The following PDGFRB variants were observed in gnomAD, a reference collection of about 807,000 sequenced individuals.
PDGFRB encodes the protein platelet-derived growth factor receptor beta.
PDGFRB carries 42 observed loss-of-function variants against 120.2 expected under a neutral mutation model. That is an observed-to-expected ratio of 0.35 (90% confidence interval 0.27 to 0.45). The LOEUF (loss-of-function observed/expected upper bound fraction) is 0.45, where lower values mean the gene tolerates loss of function less well. PDGFRB is among the 20% of genes least tolerant of loss of function. The pLI is 1.00. For missense variants in PDGFRB, 1,149 were observed against 1,476.3 expected, an observed-to-expected ratio of 0.78 and a Z score of 3.63; for synonymous variants, 586 against 606.8, an observed-to-expected ratio of 0.97 and a Z score of 0.50.
At chr5:150,140,862 G>A (rs1265325692) in intron 1 of PDGFRB, among the ~76,000 whole-genome samples, 1 of 152,136 alleles carries the variant, frequency 6.6e-6, no homozygotes, top group East Asian at 1.9e-4. Flanking sequence ...CTCCCAGCAC[G>A]TACAATTCTC....
intron 1 of PDGFRB, among the ~76,000 whole-genome samples, chr5:150,139,630 C>T (rs990641732): frequency 2.0e-5 from 3 of 152,128 alleles, no homozygotes; most frequent in African/African-American, 7.2e-5. Context: ...ACTTGCTGTG[C>T]GGGCTTTGAC....
At chr5:150,127,855 A>AAAAAAAAAAAC (rs1554108652) in intron 10 of PDGFRB, among the ~76,000 whole-genome samples, 1 of 150,692 alleles carries the variant, frequency 6.6e-6, no homozygotes, top group African/African-American at 2.4e-5. Flanking sequence ...AAAAAAAAAA[A>AAAAAAAAAAAC]AAAACTTTGG....
At chr5:150,134,070 T>C in intron 4 of PDGFRB, 62 bp from the exon 5 acceptor site, 1 of 1,518,162 alleles carries the variant, frequency 6.6e-7, no homozygotes, top group Non-Finnish European at 9.1e-7. Flanking sequence ...CACTTCAGCT[T>C]GGGGATAGGG....
rs1262442287 is a variant in PDGFRB at position 150,135,003 on chromosome 5, G to T, written c.378C>A (p.Gly126=). The T allele has an allele frequency of 1.3e-6, 2 of 1,579,774 alleles. No individual in the cohort carries two copies. Among genetic ancestry groups the T allele is most frequent in the Non-Finnish European group, 1.7e-6 (2 of 1,152,354 alleles). Residue 126 remains glycine (G), a synonymous_variant, in exon 4 of 23, where the codon GGC becomes GGA. Transcript: ENST00000261799. ...GTTCCTCGGCATCATTAGGGAGGAA[G>T]CCCACGGTGGGATCTGCCAGGAGTG... ...LYIFVPDPTV[G]FLPNDAEELF... is the part of the protein sequence containing the mutation.
At chr5:150,118,703 C>G in intron 21 of PDGFRB, 44 bp downstream of exon 21, 1 of 1,193,464 alleles carries the variant, frequency 8.4e-7, no homozygotes, top group Non-Finnish European at 1.3e-6. Context: ...CTGACTTCTG[C>G]ACCAGAGCTC....
At chr5:150,137,229 G>A in intron 1 of PDGFRB, 176 bp from the exon 2 acceptor site, 1 of 576,002 alleles carries the variant, frequency 1.7e-6, no homozygotes, top group Non-Finnish European at 3.1e-6. Flanking sequence ...ATGACCACAG[G>A]CTGTCTCCTC....
intron 1 of PDGFRB, among the ~76,000 whole-genome samples, chr5:150,138,869 A>G (rs1451732529): frequency 6.6e-6 from 1 of 152,136 alleles, no homozygotes; most frequent in Non-Finnish European, 1.5e-5. Flanking sequence ...GGGTCACTTC[A>G]GCTTCCCTGC....
chr5:150,149,069 C>T (rs74583134), intron 1 of PDGFRB, among the ~76,000 whole-genome samples: 1 of 152,148 alleles, frequency 6.6e-6, no homozygotes, highest in African/African-American at 2.4e-5. Context: ...TTCTCTGGAC[C>T]ACCAACTTTT....
chr5:150,127,853 A>AAAAAAC (rs1760342278), intron 10 of PDGFRB, among the ~76,000 whole-genome samples: 1 of 151,030 alleles, frequency 6.6e-6, no homozygotes, highest in Non-Finnish European at 1.5e-5. Context: ...AAAAAAAAAA[A>AAAAAAC]AAAAAACTTT....
chr5:150,123,789 A>G (rs1367755815), intron 14 of PDGFRB, among the ~76,000 whole-genome samples: 1 of 152,206 alleles, frequency 6.6e-6, no homozygotes, highest in Non-Finnish European at 1.5e-5. Context: ...GCAGCTGCAA[A>G]TGGTGATAAC....
At position 150,123,191 on chromosome 5, in the gene PDGFRB, A is replaced by C. The variant is rs1409226944; in HGVS notation, c.2034T>G (p.Tyr678Ter). The C allele has an allele frequency of 3.1e-6, 5 of 1,613,388 alleles. No individual in the cohort carries two copies. The change falls in exon 15 of 23, where the codon TAT (tyrosine) becomes TAG (stop). Residue 678 changes from tyrosine to a stop codon, truncating the protein, a stop_gained. Transcript: ENST00000261799. LOFTEE classifies it high-confidence loss of function. ...LGACTKGGPI[Y>*]IITEYCRYGD... is the part of the protein sequence containing the mutation. ...CGTAGCGGCAGTACTCAGTGATGAT[A>C]TAGATGGGTCCTGCAGAGGGACAGG...
At chr5:150,137,313 G>A (rs1760661469) in intron 1 of PDGFRB, 1 of 447,214 alleles carries the variant, frequency 2.2e-6, no homozygotes, top group Non-Finnish European at 4.0e-6. Flanking sequence ...GGCCTCGGCT[G>A]CGTCCCCAGA....
At position 150,115,651 on chromosome 5, in the gene PDGFRB, G is replaced by T; in HGVS notation, c.*112C>A. 9.8e-7 allele frequency: 1 copy of T among 1,016,512 alleles called. No homozygotes were observed. The highest frequency in any genetic ancestry group is 1.4e-6 in the Non-Finnish European group (1 of 724,092). The allele number at this position is 1,016,512 out of a possible 1,614,324, so 63.0% of individuals were successfully genotyped here. ...CAGGAGCAGAAAGCTTCCAGAAGGG[G>T]ACAGCTGATAAGGGCAGCCTGGCTG... On this transcript the variant is annotated 3_prime_UTR_variant, in exon 23 of 23. Coordinates refer to ENST00000261799, the MANE Select transcript of PDGFRB (RefSeq NM_002609.4).
rs534435331 is a variant in PDGFRB, at chr5:150,148,254, C to A, written c.-7+7143G>T. ...ATATGACTTCCCACAAATCAGGATA[C>A]CTACCTAACAACGATCTGGACTCTC... On this transcript the variant is annotated intron_variant, in intron 1 of 22. Transcript: ENST00000261799. Among the ~76,000 whole-genome samples, 3 of 152,340 alleles carry A rather than the reference C, an allele frequency of 2.0e-5. No individual in the cohort carries two copies. In the East Asian group the frequency reaches 5.8e-4, roughly 29 times the overall value.
At chr5:150,122,176 C>A (rs1561991685) in intron 15 of PDGFRB, 136 bp from the exon 16 acceptor site, 3 of 694,848 alleles carry the variant, frequency 4.3e-6, no homozygotes, top group Non-Finnish European at 2.4e-6. Flanking sequence ...GTAGGAAAGC[C>A]TGTGGATCAA....
chr5:150,121,065 C>G lies in PDGFRB; in HGVS notation c.2464-55G>C. 1 of 1,593,742 alleles carries G rather than the reference C, an allele frequency of 6.3e-7. No individual in the cohort carries two copies. Among genetic ancestry groups the G allele is most frequent in the South Asian group, 1.1e-5 (1 of 90,636 alleles). On this transcript the variant is annotated intron_variant, in intron 17 of 22. Coordinates refer to ENST00000261799, the MANE Select transcript of PDGFRB (RefSeq NM_002609.4). This position sits in a 1 kb window ranked among gnomAD's most constrained non-coding sequence, Gnocchi z 4.1. ...TTGGGGACAATTGTGGGGAAAGACC[C>G]TTCATGTCAAGGGCTTTGGGAAAAT...
chr5:150,155,335 A>G, intron 1 of PDGFRB, 62 bp downstream of exon 1: 1 of 237,954 alleles, frequency 4.2e-6, no homozygotes, highest in East Asian at 6.9e-5. Flanking sequence ...ACTCGAAGAG[A>G]TGCAGGTTAG....
At position 150,133,778 on chromosome 5, in the gene PDGFRB, G is replaced by A. The variant is rs1449430662; in HGVS notation, c.760-18C>T. 1.2e-6 allele frequency: 2 copies of A among 1,613,250 alleles called. No homozygotes were observed. Among genetic ancestry groups the A allele is most frequent in the South Asian group, 1.1e-5 (1 of 91,074 alleles). On this transcript the variant is annotated intron_variant, in intron 5 of 22. Coordinates refer to ENST00000261799, the MANE Select transcript of PDGFRB (RefSeq NM_002609.4). ...CGCCCACTCTGCAGCAACAGGTTGG[G>A]CAGGCCCCCCAAATCAGGAGGGGCC...
In PDGFRB at chr5:150,117,542, G is replaced by GCACACACA. The variant is rs1289430637; in HGVS notation, c.3137+75_3137+76insTGTGTGTG. The GCACACACA allele has an allele frequency of 1.9e-3, 899 of 463,010 alleles. 2 individuals carry two copies. In the African/African-American group the frequency reaches 0.023, roughly 12 times the overall value. The allele number at this position is 463,010 out of a possible 1,614,324, so 28.7% of individuals were successfully genotyped here. ...CAAACCTGGCAGCGCGCGCGCGCGC[G>GCACACACA]CGCACACACACACACACACACACAC... On this transcript the variant is annotated intron_variant, in intron 22 of 22. Transcript: ENST00000261799.
Sources: allele counts gnomAD v4.1 joint callset (sites outside exome capture counted in the v4.1 genomes callset), GRCh38; gene constraint gnomAD v4.1.1; non-coding constraint Gnocchi (gnomAD v3.1); transcripts MANE v1.5; gene names NCBI Gene and HGNC (gene_info 2026-07-23, HGNC 2026-07-21).